Variants in XDH observed in about 807,000 individuals in gnomAD.
The protein encoded by XDH is xanthine dehydrogenase.
A neutral mutation model predicts 156.1 loss-of-function variants in XDH; 138 were observed. That is an observed-to-expected ratio of 0.88 (90% CI 0.77 to 1.02). XDH has a LOEUF of 1.02. Ranked by LOEUF, XDH falls within the 50% of genes least tolerant of loss-of-function variation. XDH has a pLI of 0.00. For missense variants in XDH, 1,849 were observed against 1,684.9 expected (o/e 1.10, Z -1.71); for synonymous variants, 669 against 625.7 (o/e 1.07, Z -1.03).
chr2:31,393,820 G>A (rs1686835549), intron 6 of XDH, among the ~76,000 whole-genome samples: 1 of 131,536 alleles, frequency 7.6e-6, no homozygotes, highest in Non-Finnish European at 1.6e-5. Flanking sequence ...TTTTCTGGTA[G>A]TTGCCCTAGA....
At chr2:31,336,864 C>G (rs1280475588) in intron 35 of XDH, among the ~76,000 whole-genome samples, 1 of 16,648 alleles carries the variant, frequency 6.0e-5, no homozygotes, top group African/African-American at 2.8e-4. Context: ...GTCCTGCTAA[C>G]TCCACACAGG....
intron 24 of XDH, among the ~76,000 whole-genome samples, chr2:31,352,751 CT>C (rs1257331106): frequency 1.3e-5 from 2 of 152,040 alleles, no homozygotes. Context: ...AAGAATAATT[CT>C]TTTTTTGAAC....
chr2:31,342,721 C>T (rs1572510453), intron 31 of XDH, among the ~76,000 whole-genome samples: 1 of 48,268 alleles, frequency 2.1e-5, no homozygotes, highest in Non-Finnish European at 3.8e-5. Context: ...AGTTCTCCTG[C>T]TTACCTTCTC....
At chr2:31,372,142 G>T (rs946993905) in intron 17 of XDH, 86 bp downstream of exon 17, 31 of 1,600,964 alleles carry the variant, frequency 1.9e-5, no homozygotes, top group Admixed American at 1.3e-4. Flanking sequence ...CATCTCCATG[G>T]CCTAGCAGGG....
At chr2:31,360,818 T>C (rs1212452535) in intron 24 of XDH, among the ~76,000 whole-genome samples, 2 of 148,626 alleles carry the variant, frequency 1.3e-5, no homozygotes, top group Non-Finnish European at 2.9e-5. Context: ...ACTAGGGTTC[T>C]TGGAATGTAT....
chr2:31,357,602 T>A (rs916015532), intron 24 of XDH, among the ~76,000 whole-genome samples: 7 of 151,950 alleles, frequency 4.6e-5, no homozygotes, highest in Non-Finnish European at 8.8e-5. Flanking sequence ...TATAAAAATA[T>A]AGTTAGAATG....
intron 6 of XDH, among the ~76,000 whole-genome samples, chr2:31,394,483 C>G (rs755627079): frequency 1.3e-4 from 20 of 152,080 alleles, no homozygotes; most frequent in Non-Finnish European, 2.5e-4. Flanking sequence ...TTGAATATCA[C>G]ATGCCTTGGT....
chr2:31,374,338 T>C (rs1422130954), intron 15 of XDH, among the ~76,000 whole-genome samples: 1 of 152,246 alleles, frequency 6.6e-6, no homozygotes, highest in Non-Finnish European at 1.5e-5. Context: ...GTTCACAATA[T>C]AATCCCAATG....
In XDH at chr2:31,347,635, G is replaced by C. The variant is rs756000543; in HGVS notation, c.3163C>G (p.Leu1055Val). 3.9e-5 allele frequency: 63 copies of C among 1,613,924 alleles called. 1 individual carries two copies. The Admixed American group carries it at 1.0e-3, about 26-fold the overall frequency. ...TAAATCTTAGAGGTGGGGATTTTCA[G>C]AGCTCTACTGGCCACCTGCGAAAAG... The part of the protein sequence containing the change: ...TKMVQVASRA[L>V]KIPTSKIYIS... The change falls in exon 29 of 36, where the codon CTG becomes GTG. Residue 1055 changes from leucine (L) to valine (V), a missense_variant. Leu to Val is a conservative substitution (Grantham distance 32). Transcript: ENST00000379416.
In XDH at chr2:31,397,703, T is replaced by G. The variant is rs1428180502; in HGVS notation, c.460A>C (p.Arg154=). Residue 154 remains arginine (R), a synonymous_variant, in exon 6 of 36, where the codon AGA becomes CGA. Transcript: ENST00000379416. ...QGNLCRCTGY[R]PILQGFRTFA... The stretch of plus-strand genomic sequence containing the variant: ...GTCCGGAAGCCCTGGAGGATGGGTC[T>G]GTAGCCTGTGCAGCGGCACAGATTT... The G allele has an allele frequency of 6.2e-7, 1 of 1,614,242 alleles. No individual in the cohort carries two copies. The highest frequency in any genetic ancestry group is 8.5e-7 in the Non-Finnish European group (1 of 1,180,032).
intron 5 of XDH, 64 bp downstream of exon 5, chr2:31,398,509 G>C (rs1686971686): frequency 6.2e-7 from 1 of 1,609,636 alleles, no homozygotes; most frequent in Non-Finnish European, 8.5e-7. Flanking sequence ...CCTGGCACTT[G>C]CCCTGACCTC....
At chr2:31,392,681 CCAAAGTG>C (rs1426586226) in intron 6 of XDH, among the ~76,000 whole-genome samples, 4 of 152,148 alleles carry the variant, frequency 2.6e-5, no homozygotes, top group Non-Finnish European at 5.9e-5. Context: ...CCTCATCCTC[CCAAAGTG>C]CTGGGATTAC....
In XDH at chr2:31,377,190, G is replaced by T. The variant is rs566687319; in HGVS notation, c.1290C>A (p.Asp430Glu). 6.1e-5 allele frequency: 99 copies of T among 1,614,132 alleles called. 1 individual carries two copies. In the South Asian group the frequency reaches 1.1e-3, roughly 17 times the overall value. ...TCATGCCACTGGTTACCTTGGCAAT[G>T]TCATCTTCTCTCCGGGAGGCCTGCT... ...AFKQASRRED[D>E]IAKVTSGMRV... Residue 430 changes from aspartate to glutamate, a missense_variant, in exon 14 of 36, where the codon GAC becomes GAA. By Grantham distance (45) the Asp-to-Glu change is conservative. Transcript: ENST00000379416.
chr2:31,410,914 C>T (rs985256645), intron 1 of XDH, among the ~76,000 whole-genome samples: 1 of 152,132 alleles, frequency 6.6e-6, no homozygotes, highest in Non-Finnish European at 1.5e-5. Flanking sequence ...AATTGGAATA[C>T]ATTTGCATAA....
chr2:31,392,372 A>G (rs1424028538), intron 6 of XDH, among the ~76,000 whole-genome samples: 1 of 151,242 alleles, frequency 6.6e-6, no homozygotes, highest in Non-Finnish European at 1.5e-5. Flanking sequence ...CTAGTTTTCT[A>G]AAGTGGGAGC....
chr2:31,339,519 G>A lies in XDH; in HGVS notation c.3744C>T (p.Cys1248=). ...ATGCATAGATGGCCTTCTTGTTGGG[G>A]CAGTCGCGGAGCAGGGACACCCTGA... The part of the protein sequence containing the change: ...IEFRVSLLRD[C]PNKKAIYASK... Residue 1248 remains cysteine (C), a synonymous_variant, in exon 34 of 36, where the codon TGC becomes TGT. Transcript: ENST00000379416. 6.2e-7 allele frequency: 1 copy of A among 1,614,214 alleles called. No individual in the cohort carries two copies. The highest frequency in any genetic ancestry group is 1.7e-5 in the Admixed American group (1 of 60,028).
chr2:31,411,979 G>GTGAT (rs1273138520), intron 1 of XDH, among the ~76,000 whole-genome samples: 1 of 152,004 alleles, frequency 6.6e-6, no homozygotes, highest in African/African-American at 2.4e-5. Flanking sequence ...GAGTGAGTGA[G>GTGAT]TGAGTGAAAG....
rs1685336519 is a variant in XDH, at chr2:31,347,613, A to G, written c.3185T>C (p.Ile1062Thr). The G allele has an allele frequency of 6.2e-7, 1 of 1,614,104 alleles. No individual in the cohort carries two copies. Among genetic ancestry groups the G allele is most frequent in the Non-Finnish European group, 8.5e-7 (1 of 1,179,996 alleles). ...GTTAGTGCTTGTCTCGCTGATATAAATCTTAGAGGTGGGGATTTTCAGAGC... is the reference window on the plus strand; with the variant it reads ...GTTAGTGCTTGTCTCGCTGATATAAGTCTTAGAGGTGGGGATTTTCAGAGC... ...SRALKIPTSKIYISETSTNTV... is the reference protein window; with the variant it reads ...SRALKIPTSKTYISETSTNTV... Residue 1062 changes from isoleucine to threonine, a missense_variant, in exon 29 of 36, where the codon ATT becomes ACT. Physicochemically the swap from Ile to Thr is moderately conservative, Grantham distance 89 (BLOSUM62 -1). Coordinates refer to ENST00000379416, the MANE Select transcript of XDH (RefSeq NM_000379.4).
intron 6 of XDH, among the ~76,000 whole-genome samples, chr2:31,390,656 A>G (rs1686737742): frequency 6.6e-6 from 1 of 152,222 alleles, no homozygotes; most frequent in South Asian, 2.1e-4. Context: ...GTTGCCCCAC[A>G]TCCTCACCAG....
Sources: allele counts gnomAD v4.1 joint callset (sites outside exome capture counted in the v4.1 genomes callset), GRCh38; gene constraint gnomAD v4.1.1; transcripts MANE v1.5; gene names NCBI Gene and HGNC (gene_info 2026-07-23, HGNC 2026-07-21).